Variants in STOX2 observed in about 807,000 individuals in gnomAD.
STOX2 encodes storkhead box 2.
STOX2 carries 28 observed loss-of-function variants against 60.9 expected under a neutral mutation model. The ratio of observed to expected loss-of-function variants is 0.46; its 90% CI spans 0.34 to 0.63. The LOEUF (loss-of-function observed/expected upper bound fraction) is 0.63. Among genes scored for constraint, STOX2 ranks in the 30% least tolerant of loss-of-function variants. The pLI is 0.01. For missense variants in STOX2, 1,024 were observed against 1,187.7 expected (o/e 0.86, Z 2.03); for synonymous variants, 472 against 463.9 (o/e 1.02, Z -0.22).
At chr4:183,959,339 G>C (rs1273748768) in intron 1 of STOX2, among the ~76,000 whole-genome samples, 1 of 152,068 alleles carries the variant, frequency 6.6e-6, no homozygotes, top group African/African-American at 2.4e-5. Context: ...GGAAGGGGGG[G>C]TTTTCAAAAA....
chr4:183,953,777 G>A (rs1344913270), intron 1 of STOX2, among the ~76,000 whole-genome samples: 2 of 151,890 alleles, frequency 1.3e-5, no homozygotes, highest in Admixed American at 1.3e-4. Context: ...TGTTGCCCAG[G>A]CTGGTCTTGA....
intron 2 of STOX2, among the ~76,000 whole-genome samples, chr4:184,007,587 G>A (rs1214755258): frequency 6.6e-6 from 1 of 152,210 alleles, no homozygotes; most frequent in African/African-American, 2.4e-5. Context: ...GCTGCCTAAG[G>A]TGGTACCAGC....
intron 1 of STOX2, among the ~76,000 whole-genome samples, chr4:183,892,806 A>C (rs1741254268): frequency 6.6e-6 from 1 of 151,962 alleles, no homozygotes; most frequent in Non-Finnish European, 1.5e-5. Flanking sequence ...TTAGGATATC[A>C]CACGAGCAAC....
intron 1 of STOX2, among the ~76,000 whole-genome samples, chr4:183,994,430 A>G (rs1179716543): frequency 1.3e-5 from 2 of 152,318 alleles, no homozygotes; most frequent in South Asian, 2.1e-4. Context: ...AAGGGAAGAA[A>G]AAATTATTAG....
intron 1 of STOX2, among the ~76,000 whole-genome samples, chr4:183,891,792 TAAATA>T (rs1482901766): frequency 2.6e-5 from 4 of 151,846 alleles, no homozygotes; most frequent in Admixed American, 2.6e-4. Flanking sequence ...AAAAAATCAA[TAAATA>T]AAATGAAAAT....
intron 1 of STOX2, among the ~76,000 whole-genome samples, chr4:183,900,222 G>A (rs1478550410): frequency 6.6e-6 from 1 of 152,100 alleles, no homozygotes; most frequent in African/African-American, 2.4e-5. Flanking sequence ...AGCTCTGATG[G>A]GGATGTACAG....
At chr4:183,831,592 C>T (rs1003694392) in intron 1 of STOX2, among the ~76,000 whole-genome samples, 1 of 150,504 alleles carries the variant, frequency 6.6e-6, no homozygotes, top group Non-Finnish European at 1.5e-5. Flanking sequence ...TTTTGTGGTA[C>T]AGTAAACAAT....
chr4:183,989,394 G>T (rs1008067705), intron 1 of STOX2, among the ~76,000 whole-genome samples: 1 of 152,014 alleles, frequency 6.6e-6, no homozygotes, highest in Non-Finnish European at 1.5e-5. Flanking sequence ...TAGGGACGGG[G>T]TTTCTCCACA....
chr4:183,818,346 G>A (rs1739204361), intron 1 of STOX2, among the ~76,000 whole-genome samples: 1 of 152,194 alleles, frequency 6.6e-6, no homozygotes, highest in East Asian at 1.9e-4. Context: ...AGCACATCTT[G>A]CACCGCCCTT....
chr4:183,859,722 T>C (rs913861958), intron 1 of STOX2, among the ~76,000 whole-genome samples: 4 of 152,268 alleles, frequency 2.6e-5, no homozygotes, highest in African/African-American at 9.6e-5. Flanking sequence ...TGTATTTTTA[T>C]GATTTTGATA....
intron 1 of STOX2, among the ~76,000 whole-genome samples, chr4:184,000,924 C>T (rs1733567377): frequency 1.3e-5 from 2 of 152,290 alleles, no homozygotes; most frequent in East Asian, 1.9e-4. Context: ...CACGTAAACG[C>T]GTTCAATGTG....
chr4:183,920,536 A>G (rs898777721), intron 1 of STOX2, among the ~76,000 whole-genome samples: 3 of 152,214 alleles, frequency 2.0e-5, no homozygotes, highest in Non-Finnish European at 4.4e-5. Flanking sequence ...GGCTCCTTGC[A>G]TATTCTAACA....
In STOX2 at chr4:184,020,028, G is replaced by A. The variant is rs1734512637; in HGVS notation, c.*2744G>A. Reference sequence around the variant, plus strand: ...CTGTGAAAGGGTCAACACATCTGTCGGCATTTTGCACACTTATGTATTATT... The same window carrying A: ...CTGTGAAAGGGTCAACACATCTGTCAGCATTTTGCACACTTATGTATTATT... On this transcript the variant is annotated 3_prime_UTR_variant, in exon 4 of 4. Coordinates refer to ENST00000308497, the MANE Select transcript of STOX2 (RefSeq NM_020225.3). The A allele has an allele frequency of 6.6e-6, 1 of 150,846 alleles. No homozygotes were observed. Among genetic ancestry groups the A allele is most frequent in the South Asian group, 2.2e-4 (1 of 4,626 alleles). The allele number at this position is 150,846 out of a possible 1,614,324, so 9.3% of individuals were successfully genotyped here.
chr4:183,860,442 C>CAAAAAAAAAAAAA (rs35753992), intron 1 of STOX2, among the ~76,000 whole-genome samples: 28 of 121,406 alleles, frequency 2.3e-4, no homozygotes, highest in East Asian at 9.4e-4. Flanking sequence ...AAACAAAAAA[C>CAAAAAAAAAAAAA]AAAAAAAAAA....
chr4:183,957,829 T>G (rs1219253459), intron 1 of STOX2, among the ~76,000 whole-genome samples: 6 of 150,958 alleles, frequency 4.0e-5, no homozygotes, highest in South Asian at 2.1e-4. Context: ...TAGAACCCAA[T>G]ATCGTGAATA....
intron 1 of STOX2, among the ~76,000 whole-genome samples, chr4:183,897,694 C>T (rs1741368277): frequency 6.6e-6 from 1 of 152,190 alleles, no homozygotes; most frequent in Non-Finnish European, 1.5e-5. Flanking sequence ...ACTTCAGATG[C>T]ATTAGTAAAT....
chr4:183,931,969 A>G (rs1321172008), intron 1 of STOX2, among the ~76,000 whole-genome samples: 1 of 152,140 alleles, frequency 6.6e-6, no homozygotes, highest in Non-Finnish European at 1.5e-5. Context: ...CATGGAGACC[A>G]GGGAAGGGCT....
intron 1 of STOX2, among the ~76,000 whole-genome samples, chr4:183,936,370 G>A (rs1742591233): frequency 6.6e-6 from 1 of 151,828 alleles, no homozygotes; most frequent in African/African-American, 2.4e-5. Flanking sequence ...TGTGATTGAT[G>A]GATATCAATT....
At chr4:183,951,089 G>T (rs551499045) in intron 1 of STOX2, among the ~76,000 whole-genome samples, 8 of 151,836 alleles carry the variant, frequency 5.3e-5, no homozygotes, top group African/African-American at 1.9e-4. Flanking sequence ...GGTGGCGGGC[G>T]CCTGTAGTCC....
Sources: allele counts gnomAD v4.1 joint callset (sites outside exome capture counted in the v4.1 genomes callset), GRCh38; gene constraint gnomAD v4.1.1; transcripts MANE v1.5; gene names NCBI Gene and HGNC (gene_info 2026-07-23, HGNC 2026-07-21).